The following GUCY1A2 variants were observed in gnomAD, a reference collection of about 807,000 sequenced individuals.
GUCY1A2 encodes guanylate cyclase soluble subunit alpha-2.
In GUCY1A2, 27 loss-of-function variants were observed where a neutral mutation model predicts 63.5. The observed-to-expected ratio is 0.43, with a 90% CI of 0.31 to 0.59. The LOEUF (loss-of-function observed/expected upper bound fraction) is 0.59. Among genes scored for constraint, GUCY1A2 ranks in the 20% least tolerant of loss-of-function variants. The pLI, the probability that GUCY1A2 is intolerant of heterozygous loss-of-function variation, is 0.11. For synonymous variants in GUCY1A2, 364 were observed against 343.5 expected (o/e 1.06, Z -0.66); for missense variants, 768 against 913.3 (o/e 0.84, Z 2.05).
At chr11:106,811,936 G>A (rs912118726) in intron 4 of GUCY1A2, among the ~76,000 whole-genome samples, 2 of 151,958 alleles carry the variant, frequency 1.3e-5, no homozygotes, top group African/African-American at 2.4e-5. Context: ...CAGAGAATAG[G>A]AGGAGGAAGA....
At chr11:106,701,126 ATAAAG>A (rs764377640) in intron 7 of GUCY1A2, among the ~76,000 whole-genome samples, 27 of 152,152 alleles carry the variant, frequency 1.8e-4, no homozygotes, top group Non-Finnish European at 2.6e-4. Flanking sequence ...CAAATTGTTT[ATAAAG>A]TAAATTCCTA....
intron 3 of GUCY1A2, among the ~76,000 whole-genome samples, chr11:106,970,427 A>G (rs1290807201): frequency 1.3e-5 from 2 of 152,230 alleles, no homozygotes; most frequent in Non-Finnish European, 2.9e-5. Flanking sequence ...TATCAGGAAA[A>G]GTATTTAGAA....
chr11:106,891,957 A>G (rs1343573795), intron 4 of GUCY1A2, among the ~76,000 whole-genome samples: 1 of 152,118 alleles, frequency 6.6e-6, no homozygotes, highest in East Asian at 1.9e-4. Flanking sequence ...ATTGGGATGC[A>G]CTGGAGTTAT....
At position 106,676,357 on chromosome 11, in the gene GUCY1A2, T is replaced by C. The variant is rs914556259; in HGVS notation, c.*11192A>G. On this transcript the variant is annotated 3_prime_UTR_variant, in exon 8 of 8. Transcript: ENST00000526355. ...GCTTTGGATTGAGATTTGTAAATGT[T>C]TGATCTCTTGATCCAAGCTGTACTT... 2 of 185,192 alleles carry C rather than the reference T, an allele frequency of 1.1e-5. No homozygotes were observed. The highest frequency in any genetic ancestry group is 6.3e-5 in the Admixed American group (1 of 15,930). The allele number at this position is 185,192 out of a possible 1,614,324, so 11.5% of individuals were successfully genotyped here. A position where few individuals can be genotyped will look rare whatever the true frequency, so the allele number is the denominator to read the frequency against.
intron 4 of GUCY1A2, chr11:106,826,827 G>C (rs543165000): frequency 4.4e-6 from 7 of 1,608,364 alleles, no homozygotes; most frequent in African/African-American, 2.7e-5. Flanking sequence ...AGATGTCACC[G>C]GCAGCATAGA....
rs1361807580 is a variant in GUCY1A2 at position 106,683,696 on chromosome 11, G to A, written c.*3853C>T. On this transcript the variant is annotated 3_prime_UTR_variant, in exon 8 of 8. Coordinates refer to ENST00000526355, the MANE Select transcript of GUCY1A2 (RefSeq NM_000855.3). ...AGTAAGAAAGGGTCCAGAATGGACT[G>A]AGTCATTCTCAAAATGACAAGACAG... 4.4e-6 allele frequency: 1 copy of A among 225,406 alleles called. No homozygotes were observed. The highest frequency in any genetic ancestry group is 8.8e-6 in the Non-Finnish European group (1 of 113,046). 14.0% of individuals were successfully genotyped at this position (225,406 alleles called of 1,614,324 possible). A position where few individuals can be genotyped will look rare whatever the true frequency, so the allele number is the denominator to read the frequency against.
intron 7 of GUCY1A2, among the ~76,000 whole-genome samples, chr11:106,707,802 G>T (rs1007660823): frequency 6.6e-6 from 1 of 152,048 alleles, no homozygotes; most frequent in Non-Finnish European, 1.5e-5. Context: ...AAAATGTGTA[G>T]TGTTGTCAAA....
rs570155239 is a variant in GUCY1A2, at chr11:106,869,325, T to C, written c.1207-58847A>G. On this transcript the variant is annotated intron_variant, in intron 4 of 7. Coordinates refer to ENST00000526355, the MANE Select transcript of GUCY1A2 (RefSeq NM_000855.3). ...CTACCATCAGAGTGAACAGGCAACC[T>C]ACAGAATGGGAGAACATTTTTGCAA... is the stretch of plus-strand genomic sequence containing the variant. Among the ~76,000 whole-genome samples the C allele has an allele frequency of 5.3e-5, 8 of 152,238 alleles. No individual in the cohort carries two copies. The East Asian group carries it at 1.5e-3, about 29-fold the overall frequency.
At chr11:106,795,934 T>A (rs1864750361) in intron 5 of GUCY1A2, among the ~76,000 whole-genome samples, 1 of 152,196 alleles carries the variant, frequency 6.6e-6, no homozygotes, top group African/African-American at 2.4e-5. Context: ...TATTATTGTG[T>A]GGGAGTCTAA....
intron 1 of GUCY1A2, among the ~76,000 whole-genome samples, chr11:106,993,358 T>A (rs1335161275): frequency 1.3e-5 from 2 of 152,156 alleles, no homozygotes; most frequent in East Asian, 1.9e-4. Context: ...CACCAATGGA[T>A]CAAATTATAT....
intron 5 of GUCY1A2, 68 bp downstream of exon 5, chr11:106,809,925 A>G: frequency 9.7e-7 from 1 of 1,028,428 alleles, no homozygotes; most frequent in Non-Finnish European, 1.4e-6. Context: ...AAGTAAAAAA[A>G]TCAATTTAAT....
chr11:106,932,208 A>C (rs1343698971), intron 4 of GUCY1A2, among the ~76,000 whole-genome samples: 1 of 152,180 alleles, frequency 6.6e-6, no homozygotes, highest in Non-Finnish European at 1.5e-5. Flanking sequence ...ACCTCCTGTT[A>C]TGCTCAGGGC....
At chr11:106,913,173 T>C (rs1860319336) in intron 4 of GUCY1A2, among the ~76,000 whole-genome samples, 1 of 152,112 alleles carries the variant, frequency 6.6e-6, no homozygotes, top group African/African-American at 2.4e-5. Context: ...ACACAATTTG[T>C]ACTAATCTAT....
At chr11:106,772,142 T>C (rs138925128) in intron 6 of GUCY1A2, among the ~76,000 whole-genome samples, 1 of 152,186 alleles carries the variant, frequency 6.6e-6, no homozygotes, top group Non-Finnish European at 1.5e-5. Context: ...TCAAGGGCAT[T>C]ACCAATCATT....
intron 6 of GUCY1A2, among the ~76,000 whole-genome samples, chr11:106,725,001 TAAG>T (rs1490784154): frequency 1.3e-5 from 2 of 152,174 alleles, no homozygotes; most frequent in East Asian, 3.9e-4. Flanking sequence ...TATTACTTTT[TAAG>T]AATATTAATT....
At position 106,684,095 on chromosome 11, in the gene GUCY1A2, A is replaced by G. The variant is rs1285606488; in HGVS notation, c.*3454T>C. 5.4e-6 allele frequency: 1 copy of G among 185,406 alleles called. No individual in the cohort carries two copies. Among genetic ancestry groups the G allele is most frequent in the Non-Finnish European group, 1.1e-5 (1 of 87,506 alleles). 11.5% of individuals were successfully genotyped at this position (185,406 alleles called of 1,614,324 possible). A position where few individuals can be genotyped will look rare whatever the true frequency, so the allele number is the denominator to read the frequency against. On this transcript the variant is annotated 3_prime_UTR_variant, in exon 8 of 8. Coordinates refer to ENST00000526355, the MANE Select transcript of GUCY1A2 (RefSeq NM_000855.3). The stretch of plus-strand genomic sequence containing the variant: ...TGCTTTGTTTTTCCTGGAAAGACAC[A>G]CATATTCACACTAAACTACTGTGTC...
At chr11:106,820,708 A>T (rs1043461529) in intron 4 of GUCY1A2, among the ~76,000 whole-genome samples, 1 of 152,088 alleles carries the variant, frequency 6.6e-6, no homozygotes, top group African/African-American at 2.4e-5. Flanking sequence ...TAGCCTAAGC[A>T]CTCTAAATAT....
intron 4 of GUCY1A2, among the ~76,000 whole-genome samples, chr11:106,905,670 C>T (rs1036052665): frequency 4.6e-5 from 7 of 152,108 alleles, no homozygotes; most frequent in South Asian, 4.2e-4. Flanking sequence ...CACTCATGGC[C>T]GGTCTAAACA....
At chr11:106,710,237 TAA>T (rs1555022015) in intron 6 of GUCY1A2, among the ~76,000 whole-genome samples, 1 of 28,712 alleles carries the variant, frequency 3.5e-5, no homozygotes, top group East Asian at 1.2e-3. Context: ...GTTATATATA[TAA>T]TATATAGTTA....
Sources: allele counts gnomAD v4.1 joint callset (sites outside exome capture counted in the v4.1 genomes callset), GRCh38; gene constraint gnomAD v4.1.1; transcripts MANE v1.5; gene names NCBI Gene and HGNC (gene_info 2026-07-23, HGNC 2026-07-21).